LMO7: variants seen among roughly 807,000 people sequenced by gnomAD.
LMO7 encodes LIM domain only protein 7.
A neutral mutation model predicts 206.5 loss-of-function variants in LMO7; 120 were observed. That is an observed-to-expected ratio of 0.58 (90% CI 0.50 to 0.68). LMO7 has a LOEUF of 0.68. LMO7 is among the 30% of genes least tolerant of loss of function. LMO7 has a pLI of 0.00. For missense variants in LMO7, 1,959 were observed against 1,957.9 expected (o/e 1.00, Z -0.01); for synonymous variants, 706 against 681.5 (o/e 1.04, Z -0.56).
chr13:75,773,415 A>G (rs1382588983), intron 4 of LMO7, among the ~76,000 whole-genome samples: 1 of 152,124 alleles, frequency 6.6e-6, no homozygotes, highest in Non-Finnish European at 1.5e-5. Context: ...AGAGACTTAG[A>G]AAGATAGAGT....
chr13:75,775,890 T>C (rs1285183180), intron 4 of LMO7, among the ~76,000 whole-genome samples: 1 of 151,612 alleles, frequency 6.6e-6, no homozygotes, highest in Non-Finnish European at 1.5e-5. Context: ...ACAACCTCTA[T>C]GGAAAACAGT....
rs549669615 is a variant in LMO7 at position 75,858,052 on chromosome 13, A to G, written c.*109A>G. On this transcript the variant is annotated 3_prime_UTR_variant, in exon 31 of 31. Coordinates refer to ENST00000377534, the MANE Select transcript of LMO7 (RefSeq NM_001306080.2). ...GTCTTTTTTGCTTTTTTTTTAAAAA[A>G]AAGAATAACTTTTTTTGCCTCTTTA... The G allele has an allele frequency of 3.7e-6, 5 of 1,358,512 alleles. No individual in the cohort carries two copies. In the African/African-American group the frequency reaches 7.7e-5, roughly 21 times the overall value. 84.2% of individuals were successfully genotyped at this position (1,358,512 alleles called of 1,614,324 possible). A position where few individuals can be genotyped will look rare whatever the true frequency, so the allele number is the denominator to read the frequency against.
At chr13:75,684,011 G>A (rs2139541688) in intron 1 of LMO7, among the ~76,000 whole-genome samples, 1 of 152,264 alleles carries the variant, frequency 6.6e-6, no homozygotes, top group African/African-American at 2.4e-5. Context: ...TGATGTTAAT[G>A]TTGGTCAGCT....
intron 1 of LMO7, among the ~76,000 whole-genome samples, chr13:75,680,725 C>G (rs2040409633): frequency 6.6e-6 from 1 of 151,966 alleles, no homozygotes; most frequent in African/African-American, 2.4e-5. Context: ...CCCCTATCCC[C>G]CAACCCCTTG....
intron 14 of LMO7, among the ~76,000 whole-genome samples, chr13:75,821,912 A>T (rs1244444581): frequency 3.9e-5 from 6 of 152,104 alleles, no homozygotes; most frequent in African/African-American, 1.4e-4. Flanking sequence ...CCTTTTGTAA[A>T]GTTTTAGGTT....
chr13:75,830,390 G>A (rs138064827), intron 15 of LMO7, among the ~76,000 whole-genome samples: 21 of 152,252 alleles, frequency 1.4e-4, no homozygotes, highest in African/African-American at 5.1e-4. Flanking sequence ...GTCTGCATAA[G>A]ACTTTGATTT....
chr13:75,738,155 C>G (rs1326307892), intron 3 of LMO7, among the ~76,000 whole-genome samples: 1 of 152,040 alleles, frequency 6.6e-6, no homozygotes, highest in African/African-American at 2.4e-5. Flanking sequence ...TTCACCAAGG[C>G]GATTCAAATA....
At chr13:75,842,333 A>G (rs1267339649) in intron 24 of LMO7, among the ~76,000 whole-genome samples, 1 of 151,780 alleles carries the variant, frequency 6.6e-6, no homozygotes, top group Non-Finnish European at 1.5e-5. Context: ...GGACTTTTGT[A>G]TTTTCTAGTT....
chr13:75,630,857 T>C (rs1231573167), intron 2 of LMO7, among the ~76,000 whole-genome samples: 1 of 152,214 alleles, frequency 6.6e-6, no homozygotes, highest in African/African-American at 2.4e-5. Context: ...AGTTTCGCCA[T>C]GTTGGCCCAG....
At chr13:75,648,134 G>A (rs1296489187) in intron 1 of LMO7, among the ~76,000 whole-genome samples, 1 of 151,420 alleles carries the variant, frequency 6.6e-6, no homozygotes, top group East Asian at 1.9e-4. Context: ...TTTTTGTAGA[G>A]ACAGGGTCTT....
At chr13:75,737,777 T>TTA (rs1555305719) in intron 3 of LMO7, among the ~76,000 whole-genome samples, 462 of 22,674 alleles carry the variant, frequency 0.02, 25 homozygotes, top group East Asian at 0.1. Flanking sequence ...TAAAATAAAA[T>TTA]AAAATAAAAA....
intron 3 of LMO7, among the ~76,000 whole-genome samples, chr13:75,753,447 G>T (rs770366096): frequency 6.6e-6 from 1 of 152,030 alleles, no homozygotes; most frequent in African/African-American, 2.4e-5. Flanking sequence ...TTTGTTGCCC[G>T]TGCTTTTGAG....
intron 4 of LMO7, among the ~76,000 whole-genome samples, chr13:75,769,276 C>T (rs865818693): frequency 6.6e-6 from 1 of 151,924 alleles, no homozygotes; most frequent in African/African-American, 2.4e-5. Context: ...GAGCAGCAGT[C>T]CTGGGTGGCA....
At position 75,653,149 on chromosome 13, in the gene LMO7, CT is replaced by C. The variant is rs1423179834; in HGVS notation, c.69+16425del. ...ATTCAGTAAAATTATTTTTCTTAAACTTCTGAAGAAAACTTGCCCCTTCAAG... is the reference window on the plus strand; with the variant it reads ...ATTCAGTAAAATTATTTTTCTTAAACTCTGAAGAAAACTTGCCCCTTCAAG... On this transcript the variant is annotated intron_variant, in intron 1 of 30. Transcript: ENST00000377534. Among the ~76,000 whole-genome samples, 5 of 152,296 alleles carry C rather than the reference CT, an allele frequency of 3.3e-5. No individual in the cohort carries two copies. The East Asian group carries it at 9.6e-4, about 29-fold the overall frequency.
intron 3 of LMO7, among the ~76,000 whole-genome samples, chr13:75,749,669 A>G (rs2139395270): frequency 6.6e-6 from 1 of 152,258 alleles, no homozygotes; most frequent in South Asian, 2.1e-4. Context: ...TGGTGCTGGC[A>G]TTGTTATCCT....
intron 26 of LMO7, among the ~76,000 whole-genome samples, chr13:75,846,416 C>T (rs2060001665): frequency 6.6e-6 from 1 of 152,140 alleles, no homozygotes; most frequent in African/African-American, 2.4e-5. Flanking sequence ...TCTCAGTTCC[C>T]AATTTATCAC....
chr13:75,848,195 G>C (rs762806850), intron 26 of LMO7, among the ~76,000 whole-genome samples: 4 of 152,076 alleles, frequency 2.6e-5, no homozygotes, highest in Non-Finnish European at 5.9e-5. Context: ...TGAATTTGTA[G>C]TCTTTTGTCC....
chr13:75,853,592 T>C (rs1309355300), intron 28 of LMO7, among the ~76,000 whole-genome samples: 2 of 152,244 alleles, frequency 1.3e-5, no homozygotes, highest in Admixed American at 1.3e-4. Flanking sequence ...AGATGTCTTG[T>C]GAAGCCACTG....
chr13:75,727,130 T>C (rs1480158236), intron 3 of LMO7, 32 bp downstream of exon 3: 3 of 1,364,954 alleles, frequency 2.2e-6, no homozygotes, highest in East Asian at 2.3e-5. Context: ...CAACTAAATT[T>C]ATTTGTCTTT....
Sources: gnomAD v4.1 joint callset for allele counts (sites outside exome capture counted in the v4.1 genomes callset) on GRCh38, gnomAD v4.1.1 for gene constraint, MANE v1.5 for transcripts, NCBI Gene and HGNC (gene_info 2026-07-23, HGNC 2026-07-21) for gene names.